Variants in ZNF532 observed in about 807,000 individuals in gnomAD.
ZNF532 encodes the protein zinc finger protein 532.
In ZNF532, 22 loss-of-function variants were observed where a neutral mutation model predicts 89.3. The observed-to-expected ratio is 0.25, with a 90% CI of 0.18 to 0.35. ZNF532 has a LOEUF of 0.35. ZNF532 is among the 10% of genes least tolerant of loss of function. ZNF532 has a pLI of 1.00. For synonymous variants in ZNF532, 606 were observed against 649.6 expected, an observed-to-expected ratio of 0.93 and a Z score of 1.02; for missense variants, 1,132 against 1,643.4, an observed-to-expected ratio of 0.69 and a Z score of 5.38.
intron 7 of ZNF532, among the ~76,000 whole-genome samples, chr18:58,960,877 C>G (rs2065280109): frequency 6.6e-6 from 1 of 151,924 alleles, no homozygotes; most frequent in Non-Finnish European, 1.5e-5. Context: ...CAAGGCAGAT[C>G]TTAAATGCAG....
At chr18:58,886,722 T>C (rs1164576822) in intron 2 of ZNF532, among the ~76,000 whole-genome samples, 5 of 152,228 alleles carry the variant, frequency 3.3e-5, no homozygotes, top group Non-Finnish European at 7.3e-5. Context: ...GTACATGTGA[T>C]CCTCAATTTG....
intron 2 of ZNF532, among the ~76,000 whole-genome samples, chr18:58,870,353 C>T (rs1033740124): frequency 2.6e-5 from 4 of 152,134 alleles, no homozygotes; most frequent in Non-Finnish European, 4.4e-5. Flanking sequence ...TCATGCCAAG[C>T]GTCCACAGAG....
chr18:58,939,780 A>T, intron 5 of ZNF532, 159 bp downstream of exon 5: 1 of 558,832 alleles, frequency 1.8e-6, no homozygotes, highest in Non-Finnish European at 2.9e-6. Flanking sequence ...AGCTCATCCA[A>T]ATCTTTCTGT....
intron 7 of ZNF532, among the ~76,000 whole-genome samples, chr18:58,975,587 G>A (rs2066957970): frequency 6.6e-6 from 1 of 152,216 alleles, no homozygotes; most frequent in Admixed American, 6.5e-5. Flanking sequence ...GCAGCATGGG[G>A]TAGCGCACGC....
At chr18:58,864,135 C>G (rs1433685044), upstream of ZNF532, 1 of 152,548 alleles carries the variant, frequency 6.6e-6, no homozygotes, top group Non-Finnish European at 1.5e-5. Context: ...TCCCACTGGC[C>G]CTGCCTTCGC....
chr18:58,899,424 A>C (rs111824281), intron 2 of ZNF532, among the ~76,000 whole-genome samples: 340 of 152,170 alleles, frequency 2.2e-3, no homozygotes, highest in African/African-American at 7.7e-3. Context: ...TTTCTGTAAT[A>C]ATGTCCTCTC....
rs138454669 is a variant in ZNF532 at position 58,929,243 on chromosome 18, C to T, written c.2347-5190C>T. Among the ~76,000 whole-genome samples the T allele has an allele frequency of 3.3e-5, 5 of 152,252 alleles. No homozygotes were observed. The East Asian group carries it at 7.7e-4, about 23-fold the overall frequency. On this transcript the variant is annotated intron_variant, in intron 3 of 9. Transcript: ENST00000591808. The stretch of plus-strand genomic sequence containing the variant: ...AAGGATGGATTCTTGGGGTTACTTC[C>T]GAGTCACCTTCAAGAGTGTGGATAA...
In ZNF532 at chr18:58,915,334, C is replaced by A. The variant is rs2060527346; in HGVS notation, c.-17-2937C>A. Among the ~76,000 whole-genome samples, 3 of 152,192 alleles carry A rather than the reference C, an allele frequency of 2.0e-5. No individual in the cohort carries two copies. In the South Asian group the frequency reaches 6.2e-4, roughly 32 times the overall value. The stretch of plus-strand genomic sequence containing the variant: ...AGGATGACTGACTCACTTTTTAAAA[C>A]TACCATCAGTTCACTCTGACCTCTT... On this transcript the variant is annotated intron_variant, in intron 2 of 9. Transcript: ENST00000591808.
intron 2 of ZNF532, among the ~76,000 whole-genome samples, chr18:58,901,826 T>C (rs1003309374): frequency 6.6e-6 from 1 of 152,120 alleles, no homozygotes; most frequent in African/African-American, 2.4e-5. Context: ...TCTGTTGGCT[T>C]CGCACCCCAC....
At chr18:58,939,865 G>A (rs990040014) in intron 5 of ZNF532, 1 of 299,790 alleles carries the variant, frequency 3.3e-6, no homozygotes, top group Non-Finnish European at 6.1e-6. Flanking sequence ...TGCTCAACAA[G>A]TAAATATTTA....
At chr18:58,872,607 C>A (rs2057080507) in intron 2 of ZNF532, among the ~76,000 whole-genome samples, 4 of 152,098 alleles carry the variant, frequency 2.6e-5, no homozygotes. Context: ...CATCAGGTAA[C>A]CAATAGCAGG....
chr18:58,983,935 G>A (rs1248984878), intron 9 of ZNF532, 37 bp from the exon 10 acceptor site: 2 of 1,576,420 alleles, frequency 1.3e-6, no homozygotes, highest in South Asian at 1.2e-5. Context: ...GTGAAGGATG[G>A]TTTTCAGTCG....
intron 7 of ZNF532, among the ~76,000 whole-genome samples, chr18:58,961,440 G>A (rs1050469637): frequency 3.2e-4 from 48 of 152,276 alleles, no homozygotes; most frequent in African/African-American, 1.0e-3. Flanking sequence ...CAGCCCCATT[G>A]TCTCAACGTA....
At chr18:58,980,718 C>T (rs1029994672) in intron 8 of ZNF532, 2 of 152,252 alleles carry the variant, frequency 1.3e-5, no homozygotes, top group African/African-American at 4.8e-5. Context: ...TCTCGGCTCA[C>T]CCTACCCTCC....
chr18:58,959,580 T>G (rs755867043), intron 7 of ZNF532, among the ~76,000 whole-genome samples: 3 of 152,168 alleles, frequency 2.0e-5, no homozygotes, highest in African/African-American at 4.8e-5. Context: ...TAGATAGATG[T>G]GGTCCAGTAC....
chr18:58,930,060 G>A (rs879415472), intron 3 of ZNF532, among the ~76,000 whole-genome samples: 33 of 152,224 alleles, frequency 2.2e-4, no homozygotes, highest in Admixed American at 1.8e-3. Context: ...TGGTCTGTTT[G>A]AAATTTAAAC....
At chr18:58,901,465 T>G (rs1393686705) in intron 2 of ZNF532, among the ~76,000 whole-genome samples, 1 of 152,218 alleles carries the variant, frequency 6.6e-6, no homozygotes, top group Non-Finnish European at 1.5e-5. Context: ...CTCCGATATC[T>G]TCTTGGTTCA....
chr18:58,956,978 T>A (rs2064844449), intron 7 of ZNF532, among the ~76,000 whole-genome samples: 1 of 152,172 alleles, frequency 6.6e-6, no homozygotes, highest in Admixed American at 6.5e-5. Context: ...GTGTCTCCAG[T>A]TAGTTGAAAA....
intron 5 of ZNF532, among the ~76,000 whole-genome samples, chr18:58,944,622 C>G (rs936069252): frequency 2.6e-5 from 4 of 152,102 alleles, no homozygotes; most frequent in Admixed American, 6.5e-5. Flanking sequence ...AATGCTGCCC[C>G]TCCTCTCTGC....
Sources: allele counts gnomAD v4.1 joint callset (sites outside exome capture counted in the v4.1 genomes callset), GRCh38; gene constraint gnomAD v4.1.1; transcripts MANE v1.5; gene names NCBI Gene and HGNC (gene_info 2026-07-23, HGNC 2026-07-21).